Variants in SELP observed in about 807,000 individuals in gnomAD.
SELP encodes P-selectin.
In SELP, 92 loss-of-function variants were observed where a neutral mutation model predicts 104.1. The observed-to-expected ratio is 0.88, with a 90% CI of 0.75 to 1.05. The LOEUF (loss-of-function observed/expected upper bound fraction) is 1.05. Ranked by LOEUF, SELP falls within the 50% of genes least tolerant of loss-of-function variation. SELP has a pLI of 0.00. For synonymous variants in SELP, 397 were observed against 364.5 expected (o/e 1.09, Z -1.01); for missense variants, 1,022 against 1,017.3 (o/e 1.00, Z -0.06).
intron 7 of SELP, among the ~76,000 whole-genome samples, chr1:169,609,952 A>G (rs111446298): frequency 7.9e-5 from 12 of 152,154 alleles, no homozygotes; most frequent in African/African-American, 2.2e-4. Context: ...CTAAGGGTAG[A>G]AGCCCCTGCA....
At position 169,619,148 on chromosome 1, in the gene SELP, G is replaced by A. The variant is rs751917531; in HGVS notation, c.75C>T (p.Cys25=). 2 of 1,613,784 alleles carry A rather than the reference G, an allele frequency of 1.2e-6. No homozygotes were observed. Among genetic ancestry groups the A allele is most frequent in the Admixed American group, 1.7e-5 (1 of 60,030 alleles). Residue 25 remains cysteine (C), a synonymous_variant, in exon 2 of 17, where the codon TGC becomes TGT. Coordinates refer to ENST00000263686, the MANE Select transcript of SELP (RefSeq NM_003005.4). ...GTTTACCAGAGATCAGGGCACTGAA[G>A]CAAAGGAGTTGGGAAATTCCAAAGA... ...RVVFGISQLL[C]FSALISELTN...
At chr1:169,596,204 T>C in intron 11 of SELP, 70 bp from the exon 12 acceptor site, 1 of 1,395,132 alleles carries the variant, frequency 7.2e-7, no homozygotes, top group Non-Finnish European at 1.0e-6. Flanking sequence ...TTAAGGCTAA[T>C]CTGGAATAAC....
Position 169,613,002 on chromosome 1 carries a change from G to A in SELP, c.702C>T (p.Tyr234=). ...CCAGCTTGCTGGGCCCATTTACTTG[G>A]TACCCGTCAGTGCAGTGGAAGCTGC... is the stretch of plus-strand genomic sequence containing the variant. ...SQCSFHCTDG[Y]QVNGPSKLEC... Residue 234 remains tyrosine, a synonymous_variant, in exon 5 of 17, where the codon TAC becomes TAT. Coordinates refer to ENST00000263686, the MANE Select transcript of SELP (RefSeq NM_003005.4). 6.2e-7 allele frequency: 1 copy of A among 1,613,868 alleles called. No homozygotes were observed. Among genetic ancestry groups the A allele is most frequent in the Non-Finnish European group, 8.5e-7 (1 of 1,179,822 alleles).
At chr1:169,602,010 G>T (rs935889587) in intron 10 of SELP, among the ~76,000 whole-genome samples, 6 of 151,904 alleles carry the variant, frequency 3.9e-5, no homozygotes, top group African/African-American at 1.5e-4. Context: ...TTCTATTTTA[G>T]AACATAAAAT....
chr1:169,620,795 T>TTGTGTGTG (rs779947394), intron 1 of SELP, among the ~76,000 whole-genome samples: 7,747 of 110,230 alleles, frequency 0.07, 443 homozygotes, highest in East Asian at 0.12. Flanking sequence ...CGGTGTGGGG[T>TTGTGTGTG]TGTGTGTGTG....
chr1:169,618,330 C>G (rs150629606), intron 2 of SELP, among the ~76,000 whole-genome samples: 1 of 152,308 alleles, frequency 6.6e-6, no homozygotes, highest in East Asian at 1.9e-4. Flanking sequence ...TACTCTACTT[C>G]TTCCATGTCT....
At chr1:169,594,525 C>T (rs895748228) in intron 13 of SELP, among the ~76,000 whole-genome samples, 167 bp downstream of exon 13, 1 of 152,126 alleles carries the variant, frequency 6.6e-6, no homozygotes, top group Non-Finnish European at 1.5e-5. Flanking sequence ...ATTTCCACTA[C>T]TTTATAAGGC....
In SELP at chr1:169,613,020, G is replaced by A; in HGVS notation, c.684C>T (p.Phe228=). The change falls in exon 5 of 17, where the codon TTC becomes TTT. Residue 228 remains phenylalanine, a synonymous_variant. Transcript: ENST00000263686. ...GNFSFNSQCS[F]HCTDGYQVNG... ...TTACTTGGTACCCGTCAGTGCAGTG[G>A]AAGCTGCACTGCGAGTTAAAAGAGA... is the stretch of plus-strand genomic sequence containing the variant. 1.9e-6 allele frequency: 3 copies of A among 1,613,450 alleles called. No individual in the cohort carries two copies. The highest frequency in any genetic ancestry group is 1.7e-6 in the Non-Finnish European group (2 of 1,179,434).
intron 9 of SELP, 143 bp downstream of exon 9, chr1:169,606,806 G>A: frequency 1.4e-6 from 1 of 740,192 alleles, no homozygotes; most frequent in Non-Finnish European, 2.2e-6. Flanking sequence ...TTGGGTTATA[G>A]GACAAGAGGA....
intron 9 of SELP, 85 bp from the exon 10 acceptor site, chr1:169,603,296 C>CT: frequency 4.4e-6 from 3 of 675,680 alleles, no homozygotes; most frequent in South Asian, 2.5e-5. Flanking sequence ...TCTCTTTCTC[C>CT]CTCTCTCTCT....
intron 14 of SELP, among the ~76,000 whole-genome samples, chr1:169,593,007 G>A (rs1229985672): frequency 1.3e-5 from 2 of 152,078 alleles, no homozygotes; most frequent in African/African-American, 4.8e-5. Context: ...CTTGAAAAAG[G>A]CTTTCTGACC....
At chr1:169,598,175 A>C (rs1243570664) in intron 10 of SELP, among the ~76,000 whole-genome samples, 1 of 152,232 alleles carries the variant, frequency 6.6e-6, no homozygotes, top group Non-Finnish European at 1.5e-5. Flanking sequence ...AAATTATTGC[A>C]GTTACATATT....
chr1:169,594,524 A>G (rs1037335975), intron 13 of SELP, among the ~76,000 whole-genome samples, 168 bp downstream of exon 13: 3 of 152,182 alleles, frequency 2.0e-5, no homozygotes, highest in Admixed American at 1.3e-4. Flanking sequence ...AATTTCCACT[A>G]CTTTATAAGG....
At chr1:169,612,861 G>T (rs1459321200) in intron 5 of SELP, 68 bp downstream of exon 5, 8 of 1,306,854 alleles carry the variant, frequency 6.1e-6, no homozygotes, top group African/African-American at 1.5e-5. Context: ...AATGGAGAAA[G>T]CTCATTGTGT....
At chr1:169,599,887 C>A (rs185610476) in intron 10 of SELP, among the ~76,000 whole-genome samples, 5 of 152,124 alleles carry the variant, frequency 3.3e-5, no homozygotes, top group Non-Finnish European at 7.4e-5. Flanking sequence ...CCCCTCCCCA[C>A]GCAGTGAAAA....
chr1:169,622,557 G>C (rs1300725085), intron 1 of SELP, among the ~76,000 whole-genome samples: 1 of 152,162 alleles, frequency 6.6e-6, no homozygotes, highest in African/African-American at 2.4e-5. Flanking sequence ...TCCTGTCTTA[G>C]AGATGAATCT....
chr1:169,602,487 A>C (rs1273027915), intron 10 of SELP, among the ~76,000 whole-genome samples: 2 of 152,230 alleles, frequency 1.3e-5, no homozygotes, highest in Non-Finnish European at 2.9e-5. Context: ...ACCCTGGACG[A>C]GTTATTTAAC....
At chr1:169,597,447 A>G (rs1022074740) in intron 10 of SELP, among the ~76,000 whole-genome samples, 1 of 152,078 alleles carries the variant, frequency 6.6e-6, no homozygotes, top group Non-Finnish European at 1.5e-5. Context: ...AGAACTTACA[A>G]TGTCACCCTA....
At chr1:169,616,953 G>GTTCTC in intron 3 of SELP, 75 bp downstream of exon 3, 1 of 1,354,096 alleles carries the variant, frequency 7.4e-7, no homozygotes, top group Non-Finnish European at 9.7e-7. Flanking sequence ...TTGACTCGGT[G>GTTCTC]GTTATGTTGG....
Sources: allele counts gnomAD v4.1 joint callset (sites outside exome capture counted in the v4.1 genomes callset), GRCh38; gene constraint gnomAD v4.1.1; transcripts MANE v1.5; gene names NCBI Gene and HGNC (gene_info 2026-07-23, HGNC 2026-07-21).